The following GPBP1 variants were observed in gnomAD, a reference collection of about 807,000 sequenced individuals.
The protein encoded by GPBP1 is vasculin.
In GPBP1, 13 loss-of-function variants were observed where a neutral mutation model predicts 56.5. That is an observed-to-expected ratio of 0.23 (90% CI 0.15 to 0.37). The LOEUF (loss-of-function observed/expected upper bound fraction) is 0.37. Ranked by LOEUF, GPBP1 falls within the 10% of genes least tolerant of loss-of-function variation. GPBP1 has a pLI of 1.00. For missense variants in GPBP1, 477 were observed against 572.3 expected, an observed-to-expected ratio of 0.83 and a Z score of 1.70; for synonymous variants, 204 against 188.9, an observed-to-expected ratio of 1.08 and a Z score of -0.66.
chr5:57,244,727 A>ATTTT lies in GPBP1; in HGVS notation c.479-1552_479-1549dup, dbSNP rs532660984. 1.3e-3 allele frequency among the ~76,000 whole-genome samples: 121 copies of ATTTT among 93,158 alleles called. 1 individual carries two copies. The highest frequency in any genetic ancestry group is 1.9e-3 in the African/African-American group (44 of 22,754). 61.1% of individuals were successfully genotyped at this position (93,158 alleles called of 152,430 possible). On this transcript the variant is annotated intron_variant, in intron 6 of 11. Transcript: ENST00000506184. ...TATTATTTACTATTCTTTGTTTGAG[A>ATTTT]TTTTTTTTTTTTTTTTTTTTTTTTG...
intron 6 of GPBP1, chr5:57,246,056 T>C: frequency 2.9e-6 from 1 of 344,166 alleles, no homozygotes; most frequent in East Asian, 4.4e-5. Flanking sequence ...AGCCACTGTG[T>C]AGCAGAATTT....
At chr5:57,175,255 C>T (rs937287500) in intron 1 of GPBP1, among the ~76,000 whole-genome samples, 193 bp from the exon 2 acceptor site, 2 of 152,184 alleles carry the variant, frequency 1.3e-5, no homozygotes, top group African/African-American at 4.8e-5. Context: ...TTTTCCCTCC[C>T]TCTACTCCGA....
intron 3 of GPBP1, among the ~76,000 whole-genome samples, chr5:57,224,992 G>T (rs79468245): frequency 6.6e-6 from 1 of 151,786 alleles, no homozygotes; most frequent in Non-Finnish European, 1.5e-5. Flanking sequence ...ACATAAAAAT[G>T]CCCCCATCTC....
intron 3 of GPBP1, among the ~76,000 whole-genome samples, chr5:57,215,514 C>T (rs573188076): frequency 2.0e-5 from 3 of 152,206 alleles, no homozygotes; most frequent in Non-Finnish European, 2.9e-5. Flanking sequence ...ATGCTCTGAT[C>T]CAATTTAGTT....
chr5:57,225,125 G>C (rs189053623), intron 3 of GPBP1, among the ~76,000 whole-genome samples: 215 of 152,174 alleles, frequency 1.4e-3, no homozygotes, highest in African/African-American at 5.0e-3. Context: ...AGTAAAATAT[G>C]AGTAAGAAAT....
Position 57,250,988 on chromosome 5 carries a change from G to T in GPBP1, c.1007G>T (p.Ser336Ile). 1 of 1,603,650 alleles carries T rather than the reference G, an allele frequency of 6.2e-7. No individual in the cohort carries two copies. The highest frequency in any genetic ancestry group is 1.4e-5 in the African/African-American group (1 of 73,146). ...DDSFNLHNSN[S>I]THQERDINRN... ...TCATTTAATTTACATAACAGCAATAGTACTCACCAAGAAAGGGATATAAAC... is the reference window on the plus strand; with the variant it reads ...TCATTTAATTTACATAACAGCAATATTACTCACCAAGAAAGGGATATAAAC... The change falls in exon 10 of 12, where the codon AGT becomes ATT. Residue 336 changes from serine (S) to isoleucine (I), a missense_variant. Transcript: ENST00000506184.
intron 1 of GPBP1, among the ~76,000 whole-genome samples, chr5:57,174,940 C>T (rs1753732725): frequency 2.0e-5 from 3 of 152,184 alleles, no homozygotes; most frequent in Admixed American, 2.0e-4. Context: ...GTTCACCTTT[C>T]TGGCCTTACT....
intron 2 of GPBP1, among the ~76,000 whole-genome samples, chr5:57,194,159 C>G (rs1161580563): frequency 6.6e-6 from 1 of 152,126 alleles, no homozygotes. Flanking sequence ...AACTAGACCT[C>G]TATTGATGTA....
chr5:57,237,069 G>GT (rs774241064), intron 6 of GPBP1: 3 of 1,390,084 alleles, frequency 2.2e-6, no homozygotes, highest in Non-Finnish European at 3.0e-6. Context: ...GAATGGCATT[G>GT]TTTTTTCTGT....
At chr5:57,212,653 CTTTTCTTTTTCTTT>C (rs1231584434) in intron 2 of GPBP1, among the ~76,000 whole-genome samples, 2 of 149,312 alleles carry the variant, frequency 1.3e-5, no homozygotes, top group African/African-American at 4.9e-5. Flanking sequence ...CTTAACCTTT[CTTTTCTTTTTCTTT>C]TTTTCTTTTT....
At chr5:57,219,143 A>G (rs774985395) in intron 3 of GPBP1, among the ~76,000 whole-genome samples, 14 of 152,096 alleles carry the variant, frequency 9.2e-5, no homozygotes, top group Non-Finnish European at 1.9e-4. Flanking sequence ...TAGGAGGCCA[A>G]GGCTGGTGGA....
At chr5:57,226,229 T>C (rs1181133389) in intron 3 of GPBP1, among the ~76,000 whole-genome samples, 2 of 152,202 alleles carry the variant, frequency 1.3e-5, no homozygotes. Flanking sequence ...TTCCTGTTAA[T>C]GAACTGTAAT....
At chr5:57,216,428 AC>A (rs1755701116) in intron 3 of GPBP1, among the ~76,000 whole-genome samples, 1 of 152,190 alleles carries the variant, frequency 6.6e-6, no homozygotes, top group Non-Finnish European at 1.5e-5. Flanking sequence ...CGATTAAAAA[AC>A]AAAACACCGT....
intron 3 of GPBP1, among the ~76,000 whole-genome samples, chr5:57,226,894 C>A: frequency 6.6e-6 from 1 of 151,742 alleles, no homozygotes; most frequent in Admixed American, 6.6e-5. Flanking sequence ...TGCCCGCCAC[C>A]GCGCCTGACT....
chr5:57,199,550 A>T (rs1292860834), intron 2 of GPBP1, among the ~76,000 whole-genome samples: 2 of 151,828 alleles, frequency 1.3e-5, no homozygotes, highest in Non-Finnish European at 2.9e-5. Context: ...ATATATATAT[A>T]TATCTTTATT....
At chr5:57,244,484 C>A (rs892265117) in intron 6 of GPBP1, among the ~76,000 whole-genome samples, 1 of 152,200 alleles carries the variant, frequency 6.6e-6, no homozygotes, top group Non-Finnish European at 1.5e-5. Context: ...CCTGCTTTAA[C>A]ACCTGGATTC....
chr5:57,241,613 G>C (rs962277323), intron 6 of GPBP1, among the ~76,000 whole-genome samples: 1 of 152,166 alleles, frequency 6.6e-6, no homozygotes, highest in Non-Finnish European at 1.5e-5. Flanking sequence ...TATTTGCGAG[G>C]ATAGAGGGAA....
At chr5:57,198,838 ACT>A (rs995081377) in intron 2 of GPBP1, among the ~76,000 whole-genome samples, 1 of 151,704 alleles carries the variant, frequency 6.6e-6, no homozygotes, top group East Asian at 1.9e-4. Flanking sequence ...TAATTATTTA[ACT>A]CTTTTTGGTA....
intron 2 of GPBP1, among the ~76,000 whole-genome samples, chr5:57,178,263 AGACG>A (rs951082074): frequency 3.9e-5 from 6 of 152,010 alleles, no homozygotes; most frequent in African/African-American, 1.4e-4. Flanking sequence ...TCTTTTTTTG[AGACG>A]GACTCTTGCT....
Sources: gnomAD v4.1 joint callset for allele counts (sites outside exome capture counted in the v4.1 genomes callset) on GRCh38, gnomAD v4.1.1 for gene constraint, MANE v1.5 for transcripts, NCBI Gene and HGNC (gene_info 2026-07-23, HGNC 2026-07-21) for gene names.